Variants in PPP2R2A observed in about 807,000 individuals in gnomAD.
The protein encoded by PPP2R2A is protein phosphatase 2 regulatory subunit Balpha, also known as serine/threonine-protein phosphatase 2A 55 kDa regulatory subunit B alpha isoform.
Under a neutral mutation model 53.2 loss-of-function variants are expected in PPP2R2A, and 9 were observed. The observed-to-expected ratio is 0.17, with a 90% CI of 0.10 to 0.30. PPP2R2A has a LOEUF of 0.30. PPP2R2A is among the 10% of genes least tolerant of loss of function. The pLI, the probability that PPP2R2A is intolerant of heterozygous loss-of-function variation, is 1.00. For synonymous variants in PPP2R2A, 169 were observed against 174.2 expected (o/e 0.97, Z 0.23); for missense variants, 235 against 534.6 (o/e 0.44, Z 5.53).
intron 2 of PPP2R2A, among the ~76,000 whole-genome samples, chr8:26,310,113 T>A (rs1802207945): frequency 6.8e-6 from 1 of 146,978 alleles, no homozygotes. Context: ...AAATCCCGCC[T>A]CTACTAAAAA....
chr8:26,350,985 T>A (rs1332958840), intron 3 of PPP2R2A, among the ~76,000 whole-genome samples: 3 of 152,090 alleles, frequency 2.0e-5, no homozygotes, highest in Non-Finnish European at 4.4e-5. Flanking sequence ...GACCTCATCT[T>A]TTTTAAAAAA....
chr8:26,306,008 TACAG>T (rs1410682349), intron 2 of PPP2R2A, among the ~76,000 whole-genome samples: 1 of 152,054 alleles, frequency 6.6e-6, no homozygotes, highest in African/African-American at 2.4e-5. Context: ...CAAGCTACCA[TACAG>T]AATTACAAAA....
chr8:26,354,713 TTAA>T lies in PPP2R2A; in HGVS notation c.346+81_346+83del, dbSNP rs1360036831. The T allele has an allele frequency of 4.1e-6, 5 of 1,233,260 alleles. No homozygotes were observed. Among genetic ancestry groups the T allele is most frequent in the African/African-American group, 1.5e-5 (1 of 65,082 alleles). 76.4% of individuals were successfully genotyped at this position (1,233,260 alleles called of 1,614,324 possible). A position where few individuals can be genotyped will look rare whatever the true frequency, so the allele number is the denominator to read the frequency against. ...TCCTGTAGCCTAGGAGAGGAATCAT[TTAA>T]CAGAGATACTTGTAAAAAGGACTTT... On this transcript the variant is annotated intron_variant, in intron 4 of 9. Coordinates refer to ENST00000380737, the MANE Select transcript of PPP2R2A (RefSeq NM_002717.4). This position sits in a 1 kb window ranked among gnomAD's most constrained non-coding sequence, Gnocchi z 4.6.
At chr8:26,346,315 G>A (rs1310426667) in intron 3 of PPP2R2A, among the ~76,000 whole-genome samples, 3 of 151,734 alleles carry the variant, frequency 2.0e-5, no homozygotes, top group African/African-American at 7.3e-5. Flanking sequence ...TAATTTTTGT[G>A]TTTTTAGTAG....
At chr8:26,304,708 A>G (rs563468142) in intron 2 of PPP2R2A, among the ~76,000 whole-genome samples, 1 of 152,362 alleles carries the variant, frequency 6.6e-6, no homozygotes, top group South Asian at 2.1e-4. Context: ...GCTCTAATTC[A>G]AGAGAAACAG....
chr8:26,293,733 A>G lies in PPP2R2A; in HGVS notation c.75A>G (p.Val25=). 1 of 1,613,724 alleles carries G rather than the reference A, an allele frequency of 6.2e-7. No homozygotes were observed. The highest frequency in any genetic ancestry group is 8.5e-7 in the Non-Finnish European group (1 of 1,179,754). ...SQVKGAVDDD[V]AEADIISTVE... is the part of the protein sequence containing the mutation. The stretch of plus-strand genomic sequence containing the variant: ...TGAAAGGAGCAGTAGATGATGATGT[A>G]GCAGAAGGTAAGAAAGCGTTTAATG... Residue 25 remains valine (V), a synonymous_variant, in exon 2 of 10, where the codon GTA becomes GTG. Transcript: ENST00000380737.
rs1472715847 is a variant in PPP2R2A at position 26,354,751 on chromosome 8, A to G, written c.346+118A>G. On this transcript the variant is annotated intron_variant, in intron 4 of 9. Coordinates refer to ENST00000380737, the MANE Select transcript of PPP2R2A (RefSeq NM_002717.4). This position sits in a 1 kb window ranked among gnomAD's most constrained non-coding sequence, Gnocchi z 4.6. ...TTGTAAAAAGGACTTTTGTTTTTCTATACAGAATGTAAACTCTACTTTTTT... is the reference window on the plus strand; with the variant it reads ...TTGTAAAAAGGACTTTTGTTTTTCTGTACAGAATGTAAACTCTACTTTTTT... The G allele has an allele frequency of 5.1e-6, 5 of 983,112 alleles. No homozygotes were observed. 60.9% of individuals were successfully genotyped at this position (983,112 alleles called of 1,614,324 possible).
In PPP2R2A at chr8:26,338,347, GC is replaced by G. The variant is rs1379001242; in HGVS notation, c.83-542del. On this transcript the variant is annotated intron_variant, in intron 2 of 9. Coordinates refer to ENST00000380737, the MANE Select transcript of PPP2R2A (RefSeq NM_002717.4). The surrounding 1 kb of genome is among the most constrained non-coding windows in gnomAD (Gnocchi z 4.5). ...GCTGGAGGAGCCGTGCACATTGAAG[GC>G]ACATAGCACGAAGCATTTCTGCTAT... Among the ~76,000 whole-genome samples the G allele has an allele frequency of 6.6e-6, 1 of 152,154 alleles. No homozygotes were observed.
intron 2 of PPP2R2A, among the ~76,000 whole-genome samples, chr8:26,324,609 C>T (rs994424049): frequency 6.6e-6 from 1 of 152,156 alleles, no homozygotes; most frequent in South Asian, 2.1e-4. Context: ...GGGGTCGGAG[C>T]CCCCACACAG....
chr8:26,362,884 T>C lies in PPP2R2A; in HGVS notation c.802+36T>C, dbSNP rs1295471108. 1 of 1,582,580 alleles carries C rather than the reference T, an allele frequency of 6.3e-7. No individual in the cohort carries two copies. The highest frequency in any genetic ancestry group is 8.6e-7 in the Non-Finnish European group (1 of 1,157,034). ...TGTATCTTTCCTTAAAATGATTACA[T>C]ATTCTGTTTGTCTGAAATAAGCCTC... On this transcript the variant is annotated intron_variant, in intron 7 of 9. Coordinates refer to ENST00000380737, the MANE Select transcript of PPP2R2A (RefSeq NM_002717.4). The surrounding 1 kb of genome is among the most constrained non-coding windows in gnomAD (Gnocchi z 4.4).
intron 2 of PPP2R2A, among the ~76,000 whole-genome samples, chr8:26,326,242 G>A (rs1271945869): frequency 6.6e-6 from 1 of 152,188 alleles, no homozygotes; most frequent in Non-Finnish European, 1.5e-5. Flanking sequence ...GTAACTCCAG[G>A]TTGGTCTCCA....
At chr8:26,323,081 C>T (rs1024099433) in intron 2 of PPP2R2A, among the ~76,000 whole-genome samples, 5 of 152,194 alleles carry the variant, frequency 3.3e-5, no homozygotes, top group African/African-American at 1.2e-4. Context: ...TCCTTTTTTA[C>T]CTGGTCTCCA....
intron 2 of PPP2R2A, among the ~76,000 whole-genome samples, chr8:26,313,823 C>T (rs1802409399): frequency 6.6e-6 from 1 of 152,174 alleles, no homozygotes; most frequent in East Asian, 1.9e-4. Flanking sequence ...CTAGAAGGAA[C>T]CAGCCCAGCT....
chr8:26,326,018 G>C (rs1300366558), intron 2 of PPP2R2A, among the ~76,000 whole-genome samples: 1 of 152,012 alleles, frequency 6.6e-6, no homozygotes, highest in South Asian at 2.1e-4. Context: ...TGTATTTTTT[G>C]TAGAGACGGG....
chr8:26,362,858 T>C lies in PPP2R2A; in HGVS notation c.802+10T>C. On this transcript the variant is annotated intron_variant, in intron 7 of 9. Coordinates refer to ENST00000380737, the MANE Select transcript of PPP2R2A (RefSeq NM_002717.4). The surrounding 1 kb of genome is among the most constrained non-coding windows in gnomAD (Gnocchi z 4.4). ...GATAGACATTCTAAATGTAAGTTTA[T>C]TGTATCTTTCCTTAAAATGATTACA... 6.2e-7 allele frequency: 1 copy of C among 1,608,896 alleles called. No individual in the cohort carries two copies. Among genetic ancestry groups the C allele is most frequent in the Non-Finnish European group, 8.5e-7 (1 of 1,176,342 alleles).
intron 3 of PPP2R2A, among the ~76,000 whole-genome samples, chr8:26,346,043 A>G (rs1474318684): frequency 6.6e-6 from 1 of 151,802 alleles, no homozygotes; most frequent in Admixed American, 6.6e-5. Context: ...GTTAGACTTT[A>G]TTACCCTACA....
intron 9 of PPP2R2A, among the ~76,000 whole-genome samples, chr8:26,368,708 C>T (rs1005547816): frequency 3.3e-5 from 5 of 152,106 alleles, no homozygotes; most frequent in Admixed American, 2.0e-4. Context: ...GACTGAAGTG[C>T]AAGGACTGCT....
intron 7 of PPP2R2A, 110 bp from the exon 8 acceptor site, chr8:26,363,611 C>T (rs540400921): frequency 4.3e-6 from 4 of 926,296 alleles, no homozygotes; most frequent in Admixed American, 3.2e-5. Flanking sequence ...ATTAGCCTGG[C>T]ATTTTACCTC....
chr8:26,369,720 T>C (rs1007612220), intron 9 of PPP2R2A, among the ~76,000 whole-genome samples: 3 of 152,188 alleles, frequency 2.0e-5, no homozygotes, highest in African/African-American at 7.2e-5. Flanking sequence ...AGATAAAGCA[T>C]TGGTTTCTTG....
Sources: allele counts gnomAD v4.1 joint callset (sites outside exome capture counted in the v4.1 genomes callset), GRCh38; gene constraint gnomAD v4.1.1; non-coding constraint Gnocchi (gnomAD v3.1); transcripts MANE v1.5; gene names NCBI Gene and HGNC (gene_info 2026-07-23, HGNC 2026-07-21).